ZDHHC14: variants seen among roughly 807,000 people sequenced by gnomAD.
ZDHHC14 encodes the protein zDHHC palmitoyltransferase 14.
ZDHHC14 carries 16 observed loss-of-function variants against 47.7 expected under a neutral mutation model. The observed-to-expected ratio is 0.34, with a 90% CI of 0.23 to 0.51. ZDHHC14 has a LOEUF of 0.51. Among genes scored for constraint, ZDHHC14 ranks in the 20% least tolerant of loss-of-function variants. ZDHHC14 has a pLI of 0.97. For missense variants in ZDHHC14, 515 were observed against 662.5 expected (o/e 0.78, Z 2.44); for synonymous variants, 293 against 278.9 (o/e 1.05, Z -0.50).
chr6:157,562,697 C>G (rs1782755473), intron 2 of ZDHHC14, among the ~76,000 whole-genome samples: 1 of 152,178 alleles, frequency 6.6e-6, no homozygotes, highest in Admixed American at 6.5e-5. Flanking sequence ...GGAGACAGGA[C>G]CTGGGAATCT....
intron 1 of ZDHHC14, among the ~76,000 whole-genome samples, chr6:157,412,546 G>C (rs1234364353): frequency 1.3e-5 from 2 of 152,158 alleles, no homozygotes; most frequent in Non-Finnish European, 2.9e-5. Flanking sequence ...ACCCACCTTG[G>C]CCTCCCAAAG....
intron 1 of ZDHHC14, among the ~76,000 whole-genome samples, chr6:157,496,902 C>T (rs1174950184): frequency 6.6e-6 from 1 of 152,224 alleles, no homozygotes; most frequent in African/African-American, 2.4e-5. Context: ...GGCATTTCCT[C>T]CACCATTTCC....
intron 8 of ZDHHC14, among the ~76,000 whole-genome samples, chr6:157,668,190 C>T (rs372693503): frequency 4.6e-5 from 7 of 152,180 alleles, no homozygotes; most frequent in African/African-American, 1.7e-4. Flanking sequence ...GGGGAGGGCA[C>T]AGAGAGTAGG....
intron 1 of ZDHHC14, among the ~76,000 whole-genome samples, chr6:157,421,769 G>A (rs564783151): frequency 2.2e-4 from 33 of 152,008 alleles, no homozygotes; most frequent in South Asian, 1.2e-3. Flanking sequence ...CATGACGCCC[G>A]GCTAATTTTT....
At chr6:157,478,222 A>G (rs1360067733) in intron 1 of ZDHHC14, among the ~76,000 whole-genome samples, 1 of 152,230 alleles carries the variant, frequency 6.6e-6, no homozygotes, top group South Asian at 2.1e-4. Context: ...TGAAGCAATC[A>G]TGATTTTAAA....
intron 7 of ZDHHC14, among the ~76,000 whole-genome samples, chr6:157,648,645 C>T (rs1777674203): frequency 6.6e-6 from 1 of 152,214 alleles, no homozygotes; most frequent in Non-Finnish European, 1.5e-5. Context: ...TTAGAAAGGG[C>T]AGGCGAGGAT....
intron 1 of ZDHHC14, among the ~76,000 whole-genome samples, chr6:157,405,537 C>A (rs2114751809): frequency 6.6e-6 from 1 of 151,892 alleles, no homozygotes; most frequent in Non-Finnish European, 1.5e-5. Flanking sequence ...TGGCCGAGCT[C>A]AAAATTTTTT....
At chr6:157,505,583 C>G (rs1469391331) in intron 1 of ZDHHC14, among the ~76,000 whole-genome samples, 11 of 152,098 alleles carry the variant, frequency 7.2e-5, no homozygotes, top group Admixed American at 4.6e-4. Flanking sequence ...TATGAGGGAA[C>G]AAATCATCAT....
rs148294092 is a variant in ZDHHC14, at chr6:157,466,930, G to A, written c.246-75655G>A. 9.4e-3 allele frequency among the ~76,000 whole-genome samples: 1,428 copies of A among 152,170 alleles called. 34 individuals are homozygous for A. Among genetic ancestry groups the A allele is most frequent in the East Asian group, 0.055 (283 of 5,184 alleles). ...GGCAATACTGGGCCTGAGAGGTCTG[G>A]TGGGAACTGCGCAGTAGCTGCCCTC... On this transcript the variant is annotated intron_variant, in intron 1 of 8. Coordinates refer to ENST00000359775, the MANE Select transcript of ZDHHC14 (RefSeq NM_024630.3).
chr6:157,418,475 T>C (rs1778030366), intron 1 of ZDHHC14, among the ~76,000 whole-genome samples: 1 of 152,196 alleles, frequency 6.6e-6, no homozygotes, highest in Non-Finnish European at 1.5e-5. Flanking sequence ...GAACAGGACA[T>C]GTTTTTATTT....
At chr6:157,556,961 C>A (rs952201488) in intron 2 of ZDHHC14, among the ~76,000 whole-genome samples, 1 of 152,150 alleles carries the variant, frequency 6.6e-6, no homozygotes, top group South Asian at 2.1e-4. Flanking sequence ...TATCAGGGAA[C>A]TGGAGCGCAG....
intron 1 of ZDHHC14, among the ~76,000 whole-genome samples, chr6:157,387,494 G>A (rs1041934981): frequency 3.9e-5 from 6 of 152,076 alleles, no homozygotes; most frequent in African/African-American, 9.7e-5. Context: ...GGGTCTCATC[G>A]GTTTTTTTCT....
chr6:157,595,907 GAGAA>G (rs1417919644), intron 3 of ZDHHC14, among the ~76,000 whole-genome samples: 1 of 152,254 alleles, frequency 6.6e-6, no homozygotes, highest in Non-Finnish European at 1.5e-5. Context: ...GAACAGGAAA[GAGAA>G]AGGGAAAGGA....
At chr6:157,547,004 T>C (rs2135210) in intron 2 of ZDHHC14, among the ~76,000 whole-genome samples, 82,854 of 152,012 alleles carry the variant, frequency 0.55, 22,995 homozygotes, top group Admixed American at 0.6. Flanking sequence ...AGATACCATA[T>C]ACATGATGGA....
chr6:157,498,270 CA>C (rs35694550), intron 1 of ZDHHC14, among the ~76,000 whole-genome samples: 67 of 139,912 alleles, frequency 4.8e-4, no homozygotes, highest in Middle Eastern at 3.9e-3. Context: ...GACCACATCT[CA>C]AAAAAAAAAA....
At chr6:157,501,290 T>C (rs1000245828) in intron 1 of ZDHHC14, among the ~76,000 whole-genome samples, 3 of 152,224 alleles carry the variant, frequency 2.0e-5, no homozygotes, top group Non-Finnish European at 4.4e-5. Context: ...ATACTTTATA[T>C]GGTTTCTAAA....
intron 3 of ZDHHC14, among the ~76,000 whole-genome samples, chr6:157,624,155 C>T (rs1053255943): frequency 1.3e-5 from 2 of 152,210 alleles, no homozygotes; most frequent in African/African-American, 4.8e-5. Context: ...CTCTTCCCAG[C>T]TCAGCTTGTG....
intron 1 of ZDHHC14, among the ~76,000 whole-genome samples, chr6:157,517,089 T>C (rs138640673): frequency 0.011 from 1,642 of 152,284 alleles, 18 homozygotes; most frequent in Non-Finnish European, 0.018. Flanking sequence ...GCACTTTCAG[T>C]GCCACGGAAG....
chr6:157,559,644 A>C (rs1371785230), intron 2 of ZDHHC14, among the ~76,000 whole-genome samples: 1 of 152,216 alleles, frequency 6.6e-6, no homozygotes, highest in African/African-American at 2.4e-5. Context: ...GACATACTCC[A>C]TTCATTGTTT....
Sources: gnomAD v4.1 joint callset for allele counts (sites outside exome capture counted in the v4.1 genomes callset) on GRCh38, gnomAD v4.1.1 for gene constraint, MANE v1.5 for transcripts, NCBI Gene and HGNC (gene_info 2026-07-23, HGNC 2026-07-21) for gene names.